The following TDRD7 variants were observed in gnomAD, a reference collection of about 807,000 sequenced individuals.
The protein encoded by TDRD7 is tudor domain-containing protein 7.
Under a neutral mutation model 109.8 loss-of-function variants are expected in TDRD7, and 47 were observed. The ratio of observed to expected loss-of-function variants is 0.43; its 90% CI spans 0.34 to 0.55. TDRD7 has a LOEUF of 0.55. Among genes scored for constraint, TDRD7 ranks in the 20% least tolerant of loss-of-function variants. The pLI is 0.03. For synonymous variants in TDRD7, 424 were observed against 457.3 expected, an observed-to-expected ratio of 0.93 and a Z score of 0.93; for missense variants, 1,164 against 1,319.2, an observed-to-expected ratio of 0.88 and a Z score of 1.82.
intron 7 of TDRD7, among the ~76,000 whole-genome samples, chr9:97,461,140 CAA>C (rs753213087): frequency 2.4e-4 from 21 of 88,950 alleles, no homozygotes; most frequent in Admixed American, 2.5e-4. Flanking sequence ...GACTCCATCT[CAA>C]AAAAAAAAAA....
In TDRD7 at chr9:97,468,512, C is replaced by G. The variant is rs367545006; in HGVS notation, c.1630-2046C>G. Among the ~76,000 whole-genome samples the G allele has an allele frequency of 1.1e-3, 171 of 152,310 alleles. 3 individuals carry two copies. In the South Asian group the frequency reaches 0.033, roughly 29 times the overall value. On this transcript the variant is annotated intron_variant, in intron 8 of 16. Coordinates refer to ENST00000355295, the MANE Select transcript of TDRD7 (RefSeq NM_014290.3). ...TAGCAATCCGGGCCTGAACTTGTTC[C>G]CCACATCCCCTTGAAGCTGACAGAG...
At chr9:97,432,309 T>A in intron 4 of TDRD7, 71 bp downstream of exon 4, 1 of 1,367,742 alleles carries the variant, frequency 7.3e-7, no homozygotes, top group Non-Finnish European at 1.0e-6. Flanking sequence ...ATGTTCAGGT[T>A]AAGAAAGAAA....
At position 97,483,117 on chromosome 9, in the gene TDRD7, G is replaced by T. The variant is rs764427678; in HGVS notation, c.2681G>T (p.Ser894Ile). 3.1e-6 allele frequency: 5 copies of T among 1,614,050 alleles called. No homozygotes were observed. In the African/African-American group the frequency reaches 4.0e-5, roughly 13 times the overall value. ...VIKKSMVDHT[S>I]AFSTEELPPP... ...AAAAAGTCCATGGTGGACCATACGA[G>T]CGCTTTCTCCACAGAGGAACTGCCA... is the stretch of plus-strand genomic sequence containing the variant. The change falls in exon 15 of 17, where the codon AGC (serine) becomes ATC (isoleucine). Residue 894 changes from serine to isoleucine, a missense_variant. Transcript: ENST00000355295.
intron 8 of TDRD7, among the ~76,000 whole-genome samples, chr9:97,469,331 T>G (rs1282869385): frequency 6.6e-6 from 1 of 152,224 alleles, no homozygotes; most frequent in African/African-American, 2.4e-5. Context: ...GATCTAGGCC[T>G]AAGTCAGTGT....
At chr9:97,442,751 G>GCA (rs1461045714) in intron 6 of TDRD7, among the ~76,000 whole-genome samples, 1 of 152,038 alleles carries the variant, frequency 6.6e-6, no homozygotes, top group Admixed American at 6.6e-5. Flanking sequence ...GCAGTGTAGG[G>GCA]CATTCCCTCT....
intron 1 of TDRD7, among the ~76,000 whole-genome samples, chr9:97,422,412 T>G (rs1827915033): frequency 6.6e-6 from 1 of 152,176 alleles, no homozygotes; most frequent in Non-Finnish European, 1.5e-5. Context: ...AAAAATCAGT[T>G]TACCATATAT....
intron 1 of TDRD7, among the ~76,000 whole-genome samples, chr9:97,416,765 G>A (rs187600348): frequency 6.6e-6 from 1 of 152,048 alleles, no homozygotes; most frequent in Non-Finnish European, 1.5e-5. Flanking sequence ...CTGTATTTTA[G>A]TGAGTAGGAG....
intron 9 of TDRD7, among the ~76,000 whole-genome samples, 199 bp downstream of exon 9, chr9:97,470,868 TA>T (rs779619859): frequency 4.9e-4 from 75 of 152,350 alleles, no homozygotes; most frequent in Non-Finnish European, 9.3e-4. Context: ...GTGTTATATA[TA>T]AAAACGTATT....
At chr9:97,434,058 G>A (rs777288124) in intron 4 of TDRD7, among the ~76,000 whole-genome samples, 5 of 152,180 alleles carry the variant, frequency 3.3e-5, no homozygotes, top group Non-Finnish European at 5.9e-5. Flanking sequence ...GTATCTGCAC[G>A]CCCATGTTCA....
rs1036778519 is a variant in TDRD7 at position 97,416,171 on chromosome 9, A to C, written c.-7+3933A>C. Among the ~76,000 whole-genome samples, 6 of 152,188 alleles carry C rather than the reference A, an allele frequency of 3.9e-5. No homozygotes were observed. The East Asian group carries it at 1.2e-3, about 29-fold the overall frequency. ...TCCAAGGGATTCCCCTTCCCTTCAA[A>C]AAGTTGTTTGCAAATAGAGAGTTAT... On this transcript the variant is annotated intron_variant, in intron 1 of 16. Transcript: ENST00000355295.
chr9:97,414,779 TTGG>T (rs1827785197), intron 1 of TDRD7, among the ~76,000 whole-genome samples: 1 of 151,722 alleles, frequency 6.6e-6, no homozygotes, highest in Non-Finnish European at 1.5e-5. Context: ...TAAAAACCGG[TTGG>T]TGAAGGAGTA....
intron 6 of TDRD7, among the ~76,000 whole-genome samples, chr9:97,447,333 G>A (rs1192772399): frequency 6.6e-6 from 1 of 152,162 alleles, no homozygotes; most frequent in African/African-American, 2.4e-5. Flanking sequence ...ACTCTAAAAT[G>A]TCACTAATTC....
At chr9:97,422,455 T>C (rs1322821564) in intron 1 of TDRD7, among the ~76,000 whole-genome samples, 1 of 152,252 alleles carries the variant, frequency 6.6e-6, no homozygotes, top group Non-Finnish European at 1.5e-5. Context: ...TTCTGTTCCA[T>C]TGATCTATAT....
At chr9:97,433,844 A>G (rs1828149857) in intron 4 of TDRD7, among the ~76,000 whole-genome samples, 1 of 152,172 alleles carries the variant, frequency 6.6e-6, no homozygotes, top group African/African-American at 2.4e-5. Context: ...TAGTATGGCT[A>G]CTATCAAAAC....
At chr9:97,464,331 T>C (rs537540869) in intron 7 of TDRD7, among the ~76,000 whole-genome samples, 2 of 152,344 alleles carry the variant, frequency 1.3e-5, no homozygotes, top group Non-Finnish European at 2.9e-5. Context: ...CTGTGTTGTT[T>C]GGTGTGTGTT....
At chr9:97,419,439 T>C (rs952902330) in intron 1 of TDRD7, among the ~76,000 whole-genome samples, 4 of 152,248 alleles carry the variant, frequency 2.6e-5, no homozygotes, top group Admixed American at 6.5e-5. Context: ...TCATGAGTCA[T>C]GAACCATTGT....
At chr9:97,463,658 A>G (rs1828769387) in intron 7 of TDRD7, among the ~76,000 whole-genome samples, 1 of 152,156 alleles carries the variant, frequency 6.6e-6, no homozygotes, top group Non-Finnish European at 1.5e-5. Flanking sequence ...CTTCTCTTAC[A>G]TGACCCAAAC....
intron 4 of TDRD7, 111 bp from the exon 5 acceptor site, chr9:97,439,134 G>A: frequency 1.6e-6 from 1 of 634,070 alleles, no homozygotes; most frequent in Non-Finnish European, 2.4e-6. Context: ...TTAATGACTT[G>A]TTTTGCTGTT....
intron 6 of TDRD7, among the ~76,000 whole-genome samples, chr9:97,444,594 A>G (rs1462619436): frequency 1.3e-5 from 2 of 152,240 alleles, no homozygotes; most frequent in Non-Finnish European, 2.9e-5. Flanking sequence ...GGCAGTGCAA[A>G]AAGTTTAGGA....
Sources: allele counts gnomAD v4.1 joint callset (sites outside exome capture counted in the v4.1 genomes callset), GRCh38; gene constraint gnomAD v4.1.1; transcripts MANE v1.5; gene names NCBI Gene and HGNC (gene_info 2026-07-23, HGNC 2026-07-21).